The following FRMD3 variants were observed in gnomAD, a reference collection of about 807,000 sequenced individuals.
FRMD3 encodes the protein FERM domain containing 3.
Under a neutral mutation model 70.2 loss-of-function variants are expected in FRMD3, and 33 were observed. The observed-to-expected ratio is 0.47, with a 90% confidence interval of 0.36 to 0.63. FRMD3 has a LOEUF of 0.63. Ranked by LOEUF, FRMD3 falls within the 20% of genes least tolerant of loss-of-function variation. The pLI is 0.00. For missense variants in FRMD3, 632 were observed against 711.4 expected, an observed-to-expected ratio of 0.89 and a Z score of 1.27; for synonymous variants, 279 against 255.9, an observed-to-expected ratio of 1.09 and a Z score of -0.86.
chr9:83,374,006 A>C (rs1008962251), intron 2 of FRMD3, among the ~76,000 whole-genome samples: 1 of 152,214 alleles, frequency 6.6e-6, no homozygotes, highest in African/African-American at 2.4e-5. Context: ...CTAAACGCCA[A>C]GTGCCGTTCA....
chr9:83,288,312 A>C (rs1401335884), intron 13 of FRMD3, among the ~76,000 whole-genome samples: 1 of 152,234 alleles, frequency 6.6e-6, no homozygotes, highest in East Asian at 1.9e-4. Flanking sequence ...CAGAGGTACA[A>C]TGGTATCCAG....
chr9:83,432,355 A>G (rs1016320993), intron 1 of FRMD3, among the ~76,000 whole-genome samples: 1 of 152,218 alleles, frequency 6.6e-6, no homozygotes, highest in African/African-American at 2.4e-5. Flanking sequence ...CAAGGAATCC[A>G]GGAAAATACC....
chr9:83,459,880 G>T (rs1191230003), intron 1 of FRMD3, among the ~76,000 whole-genome samples: 1 of 152,236 alleles, frequency 6.6e-6, no homozygotes, highest in Non-Finnish European at 1.5e-5. Context: ...CAGGGCCCTC[G>T]GTTGTCTTGC....
the FRMD3 span, among the ~76,000 whole-genome samples, chr9:83,563,598 C>T: frequency 6.6e-6 from 1 of 152,152 alleles, no homozygotes; most frequent in Non-Finnish European, 1.5e-5. Flanking sequence ...GTTCTCTTAA[C>T]ACCTCCCACT....
At chr9:83,454,127 C>A (rs1453572815) in intron 1 of FRMD3, among the ~76,000 whole-genome samples, 3 of 152,272 alleles carry the variant, frequency 2.0e-5, no homozygotes, top group East Asian at 1.9e-4. Context: ...GGGTAACTAA[C>A]AATAATAGCA....
At chr9:83,383,880 CTCCTCAGGAGAGGATA>C (rs1220187922) in intron 2 of FRMD3, among the ~76,000 whole-genome samples, 1 of 152,200 alleles carries the variant, frequency 6.6e-6, no homozygotes, top group Non-Finnish European at 1.5e-5. Flanking sequence ...ATCCATTTCC[CTCCTCAGGAGAGGATA>C]TCAGATGTAA....
Position 83,538,323 on chromosome 9 carries a change from A to C in FRMD3, c.-92T>G. 1 of 1,242,428 alleles carries C rather than the reference A, an allele frequency of 8.0e-7. No homozygotes were observed. The allele number at this position is 1,242,428 out of a possible 1,614,324, so 77.0% of individuals were successfully genotyped here. A position where few individuals can be genotyped will look rare whatever the true frequency, so the allele number is the denominator to read the frequency against. ...CACGCTCGCACGCACTGTCCGGGAC[A>C]CCTGGGCGCGGCTCAGCCCCGGGAC... On this transcript the variant is annotated 5_prime_UTR_variant, in exon 1 of 14. Transcript: ENST00000304195. The surrounding 1 kb of genome is among the most constrained non-coding windows in gnomAD (Gnocchi z 4.7).
At chr9:83,252,593 G>C (rs955512761) in intron 13 of FRMD3, among the ~76,000 whole-genome samples, 3 of 152,100 alleles carry the variant, frequency 2.0e-5, no homozygotes, top group African/African-American at 7.2e-5. Context: ...AAAGAGCCAA[G>C]ACCCATCAAT....
chr9:83,562,131 C>T, the FRMD3 span, among the ~76,000 whole-genome samples: 6 of 152,258 alleles, frequency 3.9e-5, no homozygotes, highest in South Asian at 2.1e-4. Flanking sequence ...ACTCACAGAA[C>T]GAGCTAGCGG....
chr9:83,374,529 C>A (rs1328880968), intron 2 of FRMD3, among the ~76,000 whole-genome samples: 1 of 152,150 alleles, frequency 6.6e-6, no homozygotes. Flanking sequence ...TATAACTGAA[C>A]AGTGGAAGAC....
In FRMD3 at chr9:83,328,420, G is replaced by T. The variant is rs370277345; in HGVS notation, c.596+7096C>A. The stretch of plus-strand genomic sequence containing the variant: ...ATTTGGCTCAAACTACATACATCTG[G>T]GTCACAGTGTAGTCCAAGGACTGTC... On this transcript the variant is annotated intron_variant, in intron 6 of 13. Coordinates refer to ENST00000304195, the MANE Select transcript of FRMD3 (RefSeq NM_174938.6). Among the ~76,000 whole-genome samples, 33 of 152,180 alleles carry T rather than the reference G, an allele frequency of 2.2e-4. 1 individual carries two copies. Among genetic ancestry groups the T allele is most frequent in the African/African-American group, 6.3e-4 (26 of 41,526 alleles).
the FRMD3 span, among the ~76,000 whole-genome samples, chr9:83,564,682 C>T: frequency 2.8e-4 from 42 of 152,302 alleles, no homozygotes; most frequent in Admixed American, 2.7e-3. Flanking sequence ...GAGACATATG[C>T]CCACATGTCC....
At chr9:83,411,425 T>C (rs1004698607) in intron 1 of FRMD3, among the ~76,000 whole-genome samples, 3 of 152,354 alleles carry the variant, frequency 2.0e-5, no homozygotes, top group Admixed American at 6.5e-5. Context: ...CCACACCAAC[T>C]GATTCACTCT....
At chr9:83,373,773 G>T (rs1301561137) in intron 2 of FRMD3, among the ~76,000 whole-genome samples, 2 of 152,162 alleles carry the variant, frequency 1.3e-5, no homozygotes, top group Non-Finnish European at 2.9e-5. Context: ...TACAGGGGGT[G>T]TCCTGGGGTA....
At chr9:83,416,788 A>ACT (rs58346983) in intron 1 of FRMD3, among the ~76,000 whole-genome samples, 27,866 of 78,938 alleles carry the variant, frequency 0.35, 2,690 homozygotes, top group African/African-American at 0.41. Context: ...TCTCTCTCTC[A>ACT]CTCTCTCTCT....
chr9:83,438,161 A>G (rs1316492281), intron 1 of FRMD3, among the ~76,000 whole-genome samples: 1 of 152,220 alleles, frequency 6.6e-6, no homozygotes, highest in African/African-American at 2.4e-5. Flanking sequence ...TTTCCCCAAA[A>G]AAAGAAAAGA....
chr9:83,359,965 C>T (rs768536389), intron 3 of FRMD3, among the ~76,000 whole-genome samples: 5 of 152,172 alleles, frequency 3.3e-5, no homozygotes, highest in Non-Finnish European at 5.9e-5. Flanking sequence ...AAAGTCAAGT[C>T]CTTCAATGTT....
intron 3 of FRMD3, among the ~76,000 whole-genome samples, chr9:83,356,527 C>T (rs1221263596): frequency 7.3e-5 from 11 of 151,716 alleles, no homozygotes; most frequent in South Asian, 2.1e-4. Flanking sequence ...CCGCCCACCT[C>T]GGCCTCCCAA....
chr9:83,494,219 G>C (rs1828890875), intron 1 of FRMD3, among the ~76,000 whole-genome samples: 1 of 152,210 alleles, frequency 6.6e-6, no homozygotes. Context: ...CGGATGAGAT[G>C]AATGCATTTC....
Sources: gnomAD v4.1 joint callset for allele counts (sites outside exome capture counted in the v4.1 genomes callset) on GRCh38, gnomAD v4.1.1 for gene constraint, Gnocchi (gnomAD v3.1) non-coding constraint, MANE v1.5 for transcripts, NCBI Gene and HGNC (gene_info 2026-07-23, HGNC 2026-07-21) for gene names.